Variants in ZDHHC11 observed in about 807,000 individuals in gnomAD.
ZDHHC11 encodes palmitoyltransferase ZDHHC11.
A neutral mutation model predicts 51.3 loss-of-function variants in ZDHHC11; 44 were observed. That is an observed-to-expected ratio of 0.86 (90% confidence interval 0.67 to 1.10). ZDHHC11 has a LOEUF of 1.10. ZDHHC11 is among the 50% of genes least tolerant of loss of function. The pLI, the probability that ZDHHC11 is intolerant of heterozygous loss-of-function variation, is 0.00. For missense variants in ZDHHC11, 400 were observed against 537.7 expected, an observed-to-expected ratio of 0.74 and a Z score of 2.53; for synonymous variants, 163 against 222.0, an observed-to-expected ratio of 0.73 and a Z score of 2.36.
upstream of ZDHHC11, among the ~76,000 whole-genome samples, chr5:855,669 G>T (rs189037876): frequency 4.8e-3 from 704 of 145,290 alleles, 26 homozygotes; most frequent in Admixed American, 0.046. Flanking sequence ...ACAGCCAGCC[G>T]GGGGGACAGA....
intron 1 of ZDHHC11, among the ~76,000 whole-genome samples, chr5:850,107 G>A (rs747424099): frequency 6.6e-6 from 1 of 152,254 alleles, no homozygotes; most frequent in Non-Finnish European, 1.5e-5. Context: ...CCAGCAGGGC[G>A]GGTCCTGCGC....
At position 800,664 on chromosome 5, in the gene ZDHHC11, T is replaced by C. The variant is rs970614699; in HGVS notation, c.*7+436A>G. On this transcript the variant is annotated intron_variant, in intron 12 of 12. Coordinates refer to ENST00000283441, the MANE Select transcript of ZDHHC11 (RefSeq NM_024786.3). ...TGATCATTTGTTTCACGGTTAAATT[T>C]CACTGCATTCTATGGATCGTCCTAA... Among the ~76,000 whole-genome samples the C allele has an allele frequency of 2.0e-5, 3 of 151,416 alleles. 1 individual carries two copies. Among genetic ancestry groups the C allele is most frequent in the African/African-American group, 7.3e-5 (3 of 41,206 alleles).
At position 835,427 on chromosome 5, in the gene ZDHHC11, A is replaced by C. The variant is rs371755520; in HGVS notation, c.901-1620T>G. Among the ~76,000 whole-genome samples the C allele has an allele frequency of 7.6e-4, 116 of 151,886 alleles. 1 individual carries two copies. Among genetic ancestry groups the C allele is most frequent in the Non-Finnish European group, 1.3e-3 (86 of 67,818 alleles). On this transcript the variant is annotated intron_variant, in intron 6 of 12. Coordinates refer to ENST00000283441, the MANE Select transcript of ZDHHC11 (RefSeq NM_024786.3). ...CTCTATATCTGTCTCTGTCGGTGCC[A>C]CACTGTTTTTATTACTGTAGCTTTA...
chr5:801,055 A>C, intron 12 of ZDHHC11, 45 bp downstream of exon 12: 1 of 1,605,892 alleles, frequency 6.2e-7, no homozygotes, highest in South Asian at 1.1e-5. Flanking sequence ...TAGAGAACCA[A>C]ACTTGGGTAG....
intron 4 of ZDHHC11, chr5:842,136 A>G: frequency 1.0e-6 from 1 of 986,402 alleles, no homozygotes; most frequent in Non-Finnish European, 1.2e-6. Flanking sequence ...CAATCAATGA[A>G]TTCACACGGA....
chr5:807,963 T>C (rs1739508787), intron 11 of ZDHHC11, among the ~76,000 whole-genome samples: 1 of 151,096 alleles, frequency 6.6e-6, no homozygotes, highest in South Asian at 2.1e-4. Context: ...GGACTGAGCC[T>C]GCAGCTAAGA....
intron 11 of ZDHHC11, among the ~76,000 whole-genome samples, chr5:801,387 CT>C (rs779908928): frequency 2.0e-5 from 3 of 151,874 alleles, no homozygotes; most frequent in Non-Finnish European, 4.4e-5. Context: ...TGCATGTGTG[CT>C]GATATAGAGA....
chr5:807,762 G>A (rs553025096), intron 11 of ZDHHC11, among the ~76,000 whole-genome samples: 1 of 152,088 alleles, frequency 6.6e-6, no homozygotes, highest in South Asian at 2.1e-4. Context: ...TGAGATTATA[G>A]AACCAGCAGC....
intron 11 of ZDHHC11, among the ~76,000 whole-genome samples, chr5:803,352 G>T (rs541018843): frequency 6.6e-6 from 1 of 151,418 alleles, no homozygotes; most frequent in East Asian, 1.9e-4. Context: ...TAGCTTGTTT[G>T]TAGCTAGATA....
intron 9 of ZDHHC11, among the ~76,000 whole-genome samples, chr5:820,420 C>T (rs1741416921): frequency 6.6e-6 from 1 of 151,610 alleles, no homozygotes; most frequent in African/African-American, 2.4e-5. Context: ...GTGATCATTA[C>T]CAACAGGGCC....
intron 11 of ZDHHC11, among the ~76,000 whole-genome samples, chr5:802,102 A>G (rs767196951): frequency 4.6e-5 from 7 of 151,310 alleles, no homozygotes; most frequent in Non-Finnish European, 8.9e-5. Flanking sequence ...GCCACAGAGG[A>G]GCAGTGGATG....
At chr5:813,199 G>A (rs1193377594) in intron 11 of ZDHHC11, among the ~76,000 whole-genome samples, 1 of 141,992 alleles carries the variant, frequency 7.0e-6, no homozygotes, top group Admixed American at 7.3e-5. Context: ...GTGGTGGCAT[G>A]AGCCTGTGGT....
chr5:857,232 CCCAGCA>C (rs2150523291), intron 1 of ZDHHC11, among the ~76,000 whole-genome samples: 1 of 152,330 alleles, frequency 6.6e-6, no homozygotes, highest in African/African-American at 2.4e-5. Flanking sequence ...GAACTGGCTG[CCCAGCA>C]CCGGGGCCTG....
At chr5:854,734 C>CAGG, upstream of ZDHHC11, among the ~76,000 whole-genome samples, 1 of 99,794 alleles carries the variant, frequency 1.0e-5, no homozygotes, top group East Asian at 3.4e-4. Flanking sequence ...AGTGAGCAGC[C>CAGG]GGGACAGACC....
At position 824,017 on chromosome 5, in the gene ZDHHC11, G is replaced by A. The variant is rs760130943; in HGVS notation, c.1023+1147C>T. 2.0e-5 allele frequency: 9 copies of A among 453,894 alleles called. 1 individual carries two copies. The highest frequency in any genetic ancestry group is 4.0e-5 in the Non-Finnish European group (9 of 225,708). 28.1% of individuals were successfully genotyped at this position (453,894 alleles called of 1,614,324 possible). A position where few individuals can be genotyped will look rare whatever the true frequency, so the allele number is the denominator to read the frequency against. On this transcript the variant is annotated intron_variant, in intron 8 of 12. Transcript: ENST00000283441. ...GACACCAGCGTCGCTGTTCCTCCAG[G>A]CTGGGCTGATCCCTTTTTATTTCCA...
At chr5:808,514 CACTT>C (rs1232718405) in intron 11 of ZDHHC11, among the ~76,000 whole-genome samples, 2 of 148,858 alleles carry the variant, frequency 1.3e-5, no homozygotes, top group African/African-American at 4.9e-5. Flanking sequence ...GTCTCCAACA[CACTT>C]ACGTGTTCCA....
At chr5:841,783 A>AGGCAAGGCAGAATGGCAGAGGGCGG in intron 4 of ZDHHC11, 1 of 995,932 alleles carries the variant, frequency 1.0e-6, no homozygotes, top group Non-Finnish European at 1.2e-6. Flanking sequence ...GCAGAGGGCC[A>AGGCAAGGCAGAATGGCAGAGGGCGG]GGCAAGGCAG....
intron 4 of ZDHHC11, chr5:841,184 C>A: frequency 9.6e-7 from 1 of 1,039,822 alleles, no homozygotes. Flanking sequence ...GCCGGGGTCA[C>A]AGCACCCACC....
At chr5:797,274 G>A (rs1247715978) in intron 12 of ZDHHC11, among the ~76,000 whole-genome samples, 1 of 151,476 alleles carries the variant, frequency 6.6e-6, no homozygotes, top group Non-Finnish European at 1.5e-5. Context: ...ATTGAATTAT[G>A]TTGTGTCTAG....
Sources: gnomAD v4.1 joint callset for allele counts (sites outside exome capture counted in the v4.1 genomes callset) on GRCh38, gnomAD v4.1.1 for gene constraint, MANE v1.5 for transcripts, NCBI Gene and HGNC (gene_info 2026-07-23, HGNC 2026-07-21) for gene names.